The following FIG4 variants were observed in gnomAD, a reference collection of about 807,000 sequenced individuals.
FIG4 encodes the protein polyphosphoinositide phosphatase.
FIG4 carries 112 observed loss-of-function variants against 118.6 expected under a neutral mutation model. That is an observed-to-expected ratio of 0.94 (90% confidence interval 0.81 to 1.11). The LOEUF (loss-of-function observed/expected upper bound fraction) is 1.11. FIG4 is among the 50% of genes least tolerant of loss of function. The pLI is 0.00. For missense variants in FIG4, 969 were observed against 1,111.7 expected, an observed-to-expected ratio of 0.87 and a Z score of 1.83; for synonymous variants, 369 against 381.2, an observed-to-expected ratio of 0.97 and a Z score of 0.37.
At chr6:109,823,906 T>A (rs1389546047) in intron 22 of FIG4, among the ~76,000 whole-genome samples, 2 of 152,220 alleles carry the variant, frequency 1.3e-5, no homozygotes, top group African/African-American at 2.4e-5. Flanking sequence ...GTGTTGTCAT[T>A]GTGCCCCCCA....
chr6:109,735,794 G>A (rs1468070649), intron 6 of FIG4, among the ~76,000 whole-genome samples: 1 of 152,030 alleles, frequency 6.6e-6, no homozygotes. Context: ...TAGAATTAAA[G>A]ACTAAGTAGG....
intron 10 of FIG4, among the ~76,000 whole-genome samples, chr6:109,750,128 C>A (rs1776644972): frequency 2.0e-5 from 3 of 152,192 alleles, no homozygotes. Flanking sequence ...AAATGCTTTT[C>A]ATGATTTCAT....
At chr6:109,820,948 GAGAAT>G (rs1255133947) in intron 22 of FIG4, among the ~76,000 whole-genome samples, 1 of 152,166 alleles carries the variant, frequency 6.6e-6, no homozygotes, top group Non-Finnish European at 1.5e-5. Flanking sequence ...TGAGAGGCCT[GAGAAT>G]AGGAGAACCC....
intron 15 of FIG4, among the ~76,000 whole-genome samples, chr6:109,773,427 GTC>G: frequency 6.6e-6 from 1 of 152,236 alleles, no homozygotes; most frequent in Middle Eastern, 3.4e-3. Context: ...TCTTGACTCT[GTC>G]TCAAGTCCGT....
intron 19 of FIG4, among the ~76,000 whole-genome samples, chr6:109,790,031 G>T (rs1051958736): frequency 6.6e-6 from 1 of 152,166 alleles, no homozygotes; most frequent in African/African-American, 2.4e-5. Flanking sequence ...AATATACCCT[G>T]TTACGGAACT....
chr6:109,715,242 T>G, intron 2 of FIG4, 66 bp downstream of exon 2: 3 of 786,226 alleles, frequency 3.8e-6, no homozygotes, highest in South Asian at 1.4e-5. Context: ...ACATGAAATA[T>G]CCTTACAGTT....
chr6:109,697,087 C>G (rs1241157885), intron 1 of FIG4, among the ~76,000 whole-genome samples: 2 of 151,580 alleles, frequency 1.3e-5, no homozygotes, highest in African/African-American at 4.9e-5. Context: ...ACAGTGAAAC[C>G]CCGTCTCTAC....
intron 10 of FIG4, among the ~76,000 whole-genome samples, chr6:109,754,587 G>T (rs1378677680): frequency 1.3e-5 from 2 of 152,118 alleles, no homozygotes; most frequent in African/African-American, 4.8e-5. Context: ...TTTTTAGTTG[G>T]TAAGCTATTG....
chr6:109,768,674 T>G (rs145865192), intron 15 of FIG4, among the ~76,000 whole-genome samples: 106 of 152,252 alleles, frequency 7.0e-4, no homozygotes, highest in Non-Finnish European at 1.0e-3. Context: ...GACAATAGGA[T>G]GAGTGTGCTG....
At position 109,744,547 on chromosome 6, in the gene FIG4, C is replaced by T. The variant is rs1368805807; in HGVS notation, c.1137+775C>T. ...CAATCTAGTAGTGTCTGAGGTTATT[C>T]TGAGAGGTTGGTTAATAAATGTAGA... On this transcript the variant is annotated intron_variant, in intron 10 of 22. Transcript: ENST00000230124. Among the ~76,000 whole-genome samples the T allele has an allele frequency of 2.0e-5, 3 of 151,892 alleles. No individual in the cohort carries two copies. In the East Asian group the frequency reaches 5.8e-4, roughly 29 times the overall value.
At chr6:109,762,042 A>G (rs1583697448) in intron 11 of FIG4, 49 bp from the exon 12 acceptor site, 3 of 1,009,688 alleles carry the variant, frequency 3.0e-6, no homozygotes, top group East Asian at 2.4e-5. Context: ...GGATAAATAT[A>G]TATTAAAACT....
intron 3 of FIG4, among the ~76,000 whole-genome samples, chr6:109,720,602 C>G (rs1775577483): frequency 6.6e-6 from 1 of 152,178 alleles, no homozygotes; most frequent in African/African-American, 2.4e-5. Context: ...GAGTTTAATA[C>G]TATCCAAACT....
At chr6:109,795,751 G>A (rs1416874861) in intron 21 of FIG4, among the ~76,000 whole-genome samples, 1 of 151,874 alleles carries the variant, frequency 6.6e-6, no homozygotes, top group East Asian at 1.9e-4. Flanking sequence ...ACAGGTGCAT[G>A]CCACCATGCC....
intron 15 of FIG4, among the ~76,000 whole-genome samples, chr6:109,776,600 A>C (rs1247669879): frequency 6.6e-6 from 1 of 152,188 alleles, no homozygotes; most frequent in African/African-American, 2.4e-5. Flanking sequence ...TTTTCATTTT[A>C]AAAATAAAAT....
chr6:109,715,889 A>C (rs1240857406), intron 2 of FIG4, among the ~76,000 whole-genome samples: 1 of 152,160 alleles, frequency 6.6e-6, no homozygotes, highest in Non-Finnish European at 1.5e-5. Context: ...ATCCATTTTC[A>C]CTAAGCTACT....
chr6:109,816,447 A>G (rs1043994189), intron 22 of FIG4, among the ~76,000 whole-genome samples: 3 of 152,228 alleles, frequency 2.0e-5, no homozygotes, highest in Admixed American at 2.0e-4. Context: ...ATGTGTCCCA[A>G]ATGGGATCCT....
chr6:109,760,821 C>T (rs17070937), intron 11 of FIG4, among the ~76,000 whole-genome samples: 3,619 of 152,202 alleles, frequency 0.024, 83 homozygotes, highest in East Asian at 0.09. Flanking sequence ...ATCCCAAGGG[C>T]TGTTCTCTTC....
intron 7 of FIG4, among the ~76,000 whole-genome samples, chr6:109,741,107 A>C (rs1032055626): frequency 1.2e-4 from 18 of 152,180 alleles, no homozygotes; most frequent in African/African-American, 4.3e-4. Flanking sequence ...GGCTGGGGAC[A>C]CAGAGCGAAA....
chr6:109,794,647 C>T (rs538048367), intron 21 of FIG4, among the ~76,000 whole-genome samples: 1 of 152,336 alleles, frequency 6.6e-6, no homozygotes, highest in African/African-American at 2.4e-5. Context: ...TTCTTAGTGC[C>T]TCCTCTGATC....
Sources: gnomAD v4.1 joint callset for allele counts (sites outside exome capture counted in the v4.1 genomes callset) on GRCh38, gnomAD v4.1.1 for gene constraint, MANE v1.5 for transcripts, NCBI Gene and HGNC (gene_info 2026-07-23, HGNC 2026-07-21) for gene names.